Variants in C6orf52 observed in about 807,000 individuals in gnomAD.
C6orf52 encodes the protein putative uncharacterized protein C6orf52.
In C6orf52, 16 loss-of-function variants were observed where a neutral mutation model predicts 16.6. The ratio of observed to expected loss-of-function variants is 0.96; its 90% CI spans 0.65 to 1.46. The LOEUF is 1.46. Ranked by LOEUF, C6orf52 falls within the 40% of genes most tolerant of loss-of-function variation. C6orf52 has a pLI of 0.00. For missense variants in C6orf52, 166 were observed against 182.3 expected, an observed-to-expected ratio of 0.91 and a Z score of 0.52; for synonymous variants, 53 against 61.4, an observed-to-expected ratio of 0.86 and a Z score of 0.64.
intron 4 of C6orf52, among the ~76,000 whole-genome samples, chr6:10,673,778 A>G (rs905913474): frequency 6.6e-6 from 1 of 151,948 alleles, no homozygotes; most frequent in African/African-American, 2.4e-5. Flanking sequence ...ACAATTTAAA[A>G]CTCTGCTTGA....
In C6orf52 at chr6:10,687,680, T is replaced by A. The variant is rs960506425; in HGVS notation, c.-11-119A>T. The stretch of plus-strand genomic sequence containing the variant: ...CAACTACATCTGAGATAATTACATT[T>A]AGTGGCAATTCCTGCTAGGCAATTA... On this transcript the variant is annotated intron_variant, in intron 1 of 4. Coordinates refer to ENST00000259983, the MANE Select transcript of C6orf52 (RefSeq NM_001145020.3). The A allele has an allele frequency of 5.9e-6, 4 of 682,810 alleles. No individual in the cohort carries two copies. The African/African-American group carries it at 7.3e-5, about 13-fold the overall frequency. The allele number at this position is 682,810 out of a possible 1,614,324, so 42.3% of individuals were successfully genotyped here.
intron 1 of C6orf52, among the ~76,000 whole-genome samples, chr6:10,688,495 G>A (rs1769035520): frequency 6.6e-6 from 1 of 152,158 alleles, no homozygotes; most frequent in African/African-American, 2.4e-5. Context: ...TAGCAAACAT[G>A]ATGAATTCAA....
chr6:10,681,604 C>T (rs937274560), intron 4 of C6orf52, among the ~76,000 whole-genome samples: 3 of 152,190 alleles, frequency 2.0e-5, no homozygotes, highest in Non-Finnish European at 4.4e-5. Context: ...GTTTAACCAC[C>T]TAAAAGTACT....
chr6:10,671,699 G>T, intron 4 of C6orf52, 101 bp from the exon 5 acceptor site: 1 of 666,698 alleles, frequency 1.5e-6, no homozygotes, highest in Non-Finnish European at 2.4e-6. Context: ...TTTGCAGGAA[G>T]TACTGCAGAT....
intron 1 of C6orf52, among the ~76,000 whole-genome samples, chr6:10,691,290 ACTCACGT>A (rs1157451331): frequency 6.6e-6 from 1 of 152,050 alleles, no homozygotes; most frequent in African/African-American, 2.4e-5. Flanking sequence ...CTTCGGCAAG[ACTCACGT>A]CTCCAACAAC....
intron 4 of C6orf52, among the ~76,000 whole-genome samples, chr6:10,675,807 T>C (rs1293922762): frequency 1.3e-5 from 2 of 152,238 alleles, no homozygotes; most frequent in Non-Finnish European, 2.9e-5. Flanking sequence ...CATGCATCTA[T>C]TGGTCATTTG....
intron 1 of C6orf52, among the ~76,000 whole-genome samples, chr6:10,687,798 G>A (rs1768986203): frequency 6.6e-6 from 1 of 152,138 alleles, no homozygotes; most frequent in Admixed American, 6.6e-5. Context: ...TGTTCCTCGG[G>A]CTTCCACCTG....
intron 3 of C6orf52, among the ~76,000 whole-genome samples, chr6:10,684,221 C>A (rs1250853656): frequency 6.6e-6 from 1 of 152,132 alleles, no homozygotes; most frequent in East Asian, 1.9e-4. Flanking sequence ...AGCAGGAGGA[C>A]CACTTGAACC....
At chr6:10,671,701 A>ACTTC in intron 4 of C6orf52, 103 bp from the exon 5 acceptor site, 4 of 654,772 alleles carry the variant, frequency 6.1e-6, no homozygotes, top group Non-Finnish European at 9.8e-6. Context: ...TGCAGGAAGT[A>ACTTC]CTGCAGATAG....
chr6:10,683,877 T>C (rs1030596803), intron 3 of C6orf52, among the ~76,000 whole-genome samples: 24 of 152,240 alleles, frequency 1.6e-4, no homozygotes, highest in African/African-American at 5.5e-4. Flanking sequence ...GATTCTTCTA[T>C]GTAGACCTGT....
intron 4 of C6orf52, among the ~76,000 whole-genome samples, chr6:10,679,437 C>CAA (rs535153695): frequency 9.9e-4 from 80 of 80,906 alleles, no homozygotes; most frequent in Middle Eastern, 0.015. Context: ...AGACTGTCTC[C>CAA]AAAAAAAAAA....
chr6:10,683,119 G>T, intron 4 of C6orf52, 68 bp downstream of exon 4: 3 of 1,046,254 alleles, frequency 2.9e-6, no homozygotes, highest in Non-Finnish European at 2.8e-6. Flanking sequence ...TTTCTAGCAA[G>T]CTGAGTGAAT....
chr6:10,681,583 T>C (rs1768403014), intron 4 of C6orf52, among the ~76,000 whole-genome samples: 1 of 152,234 alleles, frequency 6.6e-6, no homozygotes, highest in East Asian at 1.9e-4. Flanking sequence ...GTTTATGATA[T>C]GGCAGCAGCT....
intron 3 of C6orf52, among the ~76,000 whole-genome samples, chr6:10,684,281 C>T (rs1768659910): frequency 6.6e-6 from 1 of 152,080 alleles, no homozygotes; most frequent in Non-Finnish European, 1.5e-5. Context: ...GCACTCCAGC[C>T]TGGGCAAAAG....
At chr6:10,673,820 G>T (rs1464272593) in intron 4 of C6orf52, among the ~76,000 whole-genome samples, 1 of 151,570 alleles carries the variant, frequency 6.6e-6, no homozygotes, top group Non-Finnish European at 1.5e-5. Context: ...CAAAATAAGG[G>T]TCCCCTCAAT....
chr6:10,687,717 T>A, intron 1 of C6orf52, among the ~76,000 whole-genome samples, 156 bp from the exon 2 acceptor site: 1 of 152,280 alleles, frequency 6.6e-6, no homozygotes, highest in East Asian at 1.9e-4. Flanking sequence ...TTGCTTGACT[T>A]TCCTGACAAC....
rs1466324788 is a variant in C6orf52 at position 10,681,589 on chromosome 6, C to A, written c.316+1598G>T. Among the ~76,000 whole-genome samples the A allele has an allele frequency of 2.6e-5, 4 of 152,180 alleles. No homozygotes were observed. In the East Asian group the frequency reaches 7.7e-4, roughly 29 times the overall value. On this transcript the variant is annotated intron_variant, in intron 4 of 4. Coordinates refer to ENST00000259983, the MANE Select transcript of C6orf52 (RefSeq NM_001145020.3). ...TACTTGAGTGTTTATGATATGGCAG[C>A]AGCTGTTTAACCACCTAAAAGTACT...
At chr6:10,683,153 G>A (rs1166942604) in intron 4 of C6orf52, 34 bp downstream of exon 4, 2 of 1,457,536 alleles carry the variant, frequency 1.4e-6, no homozygotes, top group African/African-American at 2.9e-5. Flanking sequence ...ATGGGGTTTT[G>A]TTTCCAACCA....
chr6:10,683,057 A>T (rs1768544720), intron 4 of C6orf52, 130 bp downstream of exon 4: 2 of 555,068 alleles, frequency 3.6e-6, no homozygotes, highest in Non-Finnish European at 6.3e-6. Context: ...GAAATTACTG[A>T]AGCATATGGC....
Sources: gnomAD v4.1 joint callset for allele counts (sites outside exome capture counted in the v4.1 genomes callset) on GRCh38, gnomAD v4.1.1 for gene constraint, MANE v1.5 for transcripts, NCBI Gene and HGNC (gene_info 2026-07-23, HGNC 2026-07-21) for gene names.